Variants in UNC5C observed in about 807,000 individuals in gnomAD.
UNC5C encodes the protein netrin receptor UNC5C.
In UNC5C, 47 loss-of-function variants were observed where a neutral mutation model predicts 99.8. The observed-to-expected ratio is 0.47, with a 90% confidence interval of 0.37 to 0.60. The LOEUF (loss-of-function observed/expected upper bound fraction) is 0.60. Among genes scored for constraint, UNC5C ranks in the 20% least tolerant of loss-of-function variants. UNC5C has a pLI of 0.00. For missense variants in UNC5C, 1,062 were observed against 1,165.9 expected, an observed-to-expected ratio of 0.91 and a Z score of 1.30; for synonymous variants, 487 against 452.2, an observed-to-expected ratio of 1.08 and a Z score of -0.98.
chr4:95,300,740 GA>G (rs1164572221), intron 3 of UNC5C, among the ~76,000 whole-genome samples: 2 of 151,884 alleles, frequency 1.3e-5, no homozygotes, highest in Non-Finnish European at 2.9e-5. Context: ...AAAATAAAAG[GA>G]AAAAAATTGA....
In UNC5C at chr4:95,168,013, A is replaced by G. The variant is rs1361151589; in HGVS notation, c.*1221T>C. 1.3e-5 allele frequency: 2 copies of G among 152,210 alleles called. No individual in the cohort carries two copies. The highest frequency in any genetic ancestry group is 6.5e-5 in the Admixed American group (1 of 15,282). The allele number at this position is 152,210 out of a possible 1,614,324, so 9.4% of individuals were successfully genotyped here. On this transcript the variant is annotated 3_prime_UTR_variant, in exon 16 of 16. Transcript: ENST00000453304. ...GCAACAAGACAGTGACAGACCCACA[A>G]TGAGAACTGGTTTCTTGATCTCCAG...
intron 1 of UNC5C, among the ~76,000 whole-genome samples, chr4:95,421,977 A>C (rs992992599): frequency 1.3e-5 from 2 of 152,228 alleles, no homozygotes; most frequent in South Asian, 2.1e-4. Context: ...ATTTATTTGC[A>C]CTAGCAAAAG....
chr4:95,250,740 T>A, intron 4 of UNC5C, 73 bp from the exon 5 acceptor site: 3 of 1,450,144 alleles, frequency 2.1e-6, no homozygotes, highest in Non-Finnish European at 2.8e-6. Context: ...TAACCTGCAT[T>A]TTGTACACTT....
At chr4:95,332,178 T>A (rs1743139577) in intron 2 of UNC5C, among the ~76,000 whole-genome samples, 1 of 152,140 alleles carries the variant, frequency 6.6e-6, no homozygotes, top group African/African-American at 2.4e-5. Context: ...GCCATCCCCA[T>A]CAAGCTACCA....
chr4:95,536,475 T>G (rs1010640791), intron 1 of UNC5C, among the ~76,000 whole-genome samples: 1 of 152,180 alleles, frequency 6.6e-6, no homozygotes, highest in Non-Finnish European at 1.5e-5. Context: ...GCAGGGTAAT[T>G]TTTTTCTAAA....
chr4:95,520,759 C>T (rs1053247462), intron 1 of UNC5C, among the ~76,000 whole-genome samples: 57 of 152,024 alleles, frequency 3.7e-4, no homozygotes, highest in Admixed American at 1.1e-3. Context: ...CCACCACGCC[C>T]AGCTAATTTT....
chr4:95,306,925 G>A (rs6532548), intron 2 of UNC5C, among the ~76,000 whole-genome samples: 128,883 of 152,146 alleles, frequency 0.85, 54,951 homozygotes, highest in African/African-American at 0.95. Context: ...TGATCTTTTG[G>A]TTCTTTCTTC....
intron 1 of UNC5C, among the ~76,000 whole-genome samples, chr4:95,531,659 A>G (rs1434969523): frequency 2.0e-5 from 3 of 152,200 alleles, no homozygotes; most frequent in African/African-American, 4.8e-5. Context: ...TACCAAAAGA[A>G]TTTTCAGACA....
intron 1 of UNC5C, among the ~76,000 whole-genome samples, chr4:95,349,564 C>A (rs1444389762): frequency 3.3e-5 from 5 of 151,126 alleles, no homozygotes. Flanking sequence ...ATTTTTTCTG[C>A]TTTTTGAGCT....
intron 1 of UNC5C, among the ~76,000 whole-genome samples, chr4:95,456,315 T>C (rs1034480582): frequency 6.6e-6 from 1 of 152,158 alleles, no homozygotes; most frequent in Admixed American, 6.6e-5. Flanking sequence ...AGTATACAAG[T>C]TGGCTATTAA....
intron 5 of UNC5C, among the ~76,000 whole-genome samples, chr4:95,249,245 C>T (rs562746494): frequency 1.3e-5 from 2 of 152,288 alleles, no homozygotes; most frequent in East Asian, 1.9e-4. Flanking sequence ...ATGCAATTCT[C>T]AGAATGTGTC....
chr4:95,276,528 C>A (rs1317233622), intron 4 of UNC5C, among the ~76,000 whole-genome samples: 1 of 152,100 alleles, frequency 6.6e-6, no homozygotes, highest in Non-Finnish European at 1.5e-5. Context: ...GGATCAGTTA[C>A]CTTTTAGAAG....
chr4:95,475,573 T>G (rs1185766971), intron 1 of UNC5C, among the ~76,000 whole-genome samples: 4 of 152,010 alleles, frequency 2.6e-5, no homozygotes, highest in Non-Finnish European at 5.9e-5. Context: ...ATATTTGAAA[T>G]AGATATATAT....
At chr4:95,475,600 G>A (rs1748121256) in intron 1 of UNC5C, among the ~76,000 whole-genome samples, 3 of 152,032 alleles carry the variant, frequency 2.0e-5, no homozygotes, top group Non-Finnish European at 4.4e-5. Context: ...TATAAAGTCA[G>A]AAGACATCCA....
chr4:95,430,659 A>T (rs527416976), intron 1 of UNC5C, among the ~76,000 whole-genome samples: 38 of 152,138 alleles, frequency 2.5e-4, no homozygotes, highest in Non-Finnish European at 4.6e-4. Context: ...ATTATCTTCA[A>T]ATAAAATATA....
chr4:95,407,800 G>A (rs1410162751), intron 1 of UNC5C, among the ~76,000 whole-genome samples: 2 of 152,114 alleles, frequency 1.3e-5, no homozygotes, highest in African/African-American at 2.4e-5. Flanking sequence ...TTACTGTATT[G>A]GGCAGCTAGG....
At chr4:95,368,213 CA>C (rs1220299079) in intron 1 of UNC5C, among the ~76,000 whole-genome samples, 1 of 145,638 alleles carries the variant, frequency 6.9e-6, no homozygotes, top group African/African-American at 2.6e-5. Flanking sequence ...TTTAGAAAAG[CA>C]AATTCAATAA....
intron 1 of UNC5C, among the ~76,000 whole-genome samples, chr4:95,442,639 C>A (rs1323683278): frequency 6.6e-6 from 1 of 152,042 alleles, no homozygotes; most frequent in Non-Finnish European, 1.5e-5. Context: ...AATATATATT[C>A]TCTTCTGCTT....
intron 1 of UNC5C, among the ~76,000 whole-genome samples, chr4:95,335,849 A>T (rs931886815): frequency 6.6e-6 from 1 of 151,874 alleles, no homozygotes; most frequent in African/African-American, 2.4e-5. Context: ...ATCAGGGAGG[A>T]TAAGTAAGTT....
Sources: gnomAD v4.1 joint callset for allele counts (sites outside exome capture counted in the v4.1 genomes callset) on GRCh38, gnomAD v4.1.1 for gene constraint, MANE v1.5 for transcripts, NCBI Gene and HGNC (gene_info 2026-07-23, HGNC 2026-07-21) for gene names.